The following SLC24A3 variants were observed in gnomAD, a reference collection of about 807,000 sequenced individuals.
The protein encoded by SLC24A3 is solute carrier family 24 member 3.
SLC24A3 carries 28 observed loss-of-function variants against 75.8 expected under a neutral mutation model. That is an observed-to-expected ratio of 0.37 (90% CI 0.27 to 0.51). SLC24A3 has a LOEUF of 0.51. Among genes scored for constraint, SLC24A3 ranks in the 20% least tolerant of loss-of-function variants. The probability of loss-of-function intolerance (pLI) is 0.94; values close to 1 mark genes in which losing one functional copy is unlikely to be tolerated. For synonymous variants in SLC24A3, 372 were observed against 334.1 expected (o/e 1.11, Z -1.24); for missense variants, 663 against 847.8 (o/e 0.78, Z 2.71).
rs542084554 is a variant in SLC24A3 at position 19,597,637 on chromosome 20, C to T, written c.612+12093C>T. Among the ~76,000 whole-genome samples the T allele has an allele frequency of 2.6e-5, 4 of 152,082 alleles. No individual in the cohort carries two copies. The East Asian group carries it at 5.8e-4, about 22-fold the overall frequency. On this transcript the variant is annotated intron_variant, in intron 6 of 16. Transcript: ENST00000328041. ...ACTACATTGTTGTTCATTGTGGTCA[C>T]CCTACTCTGCCATCAAATATTATAA...
chr20:19,222,590 A>G (rs1981746117), intron 1 of SLC24A3, among the ~76,000 whole-genome samples: 1 of 152,178 alleles, frequency 6.6e-6, no homozygotes, highest in South Asian at 2.1e-4. Context: ...GAATCTGGGA[A>G]TGGGGAAGGT....
intron 9 of SLC24A3, among the ~76,000 whole-genome samples, chr20:19,677,212 C>A (rs1424913701): frequency 6.6e-6 from 1 of 150,718 alleles, no homozygotes; most frequent in Non-Finnish European, 1.5e-5. Context: ...GTGATCCCAG[C>A]TATTCAGAAA....
intron 2 of SLC24A3, among the ~76,000 whole-genome samples, chr20:19,444,701 T>G (rs1313343726): frequency 2.6e-5 from 4 of 152,162 alleles, no homozygotes; most frequent in African/African-American, 9.6e-5. Flanking sequence ...GTAATTTGTG[T>G]CTTCTTTTAT....
At chr20:19,484,653 C>G (rs1988103736) in intron 2 of SLC24A3, among the ~76,000 whole-genome samples, 1 of 147,602 alleles carries the variant, frequency 6.8e-6, no homozygotes, top group African/African-American at 2.5e-5. Flanking sequence ...TGCATAGAGA[C>G]AGAAAGTAGA....
At chr20:19,645,185 T>G (rs1009515743) in intron 6 of SLC24A3, among the ~76,000 whole-genome samples, 2 of 152,212 alleles carry the variant, frequency 1.3e-5, no homozygotes, top group Non-Finnish European at 2.9e-5. Context: ...GATGACTAGA[T>G]TTCAATAAAT....
intron 2 of SLC24A3, among the ~76,000 whole-genome samples, chr20:19,300,514 G>A (rs56882512): frequency 0.015 from 2,222 of 152,292 alleles, 54 homozygotes; most frequent in African/African-American, 0.051. Context: ...ACCAGGAGAC[G>A]TAATGACAAG....
intron 12 of SLC24A3, among the ~76,000 whole-genome samples, chr20:19,687,681 G>A (rs971892006): frequency 3.3e-5 from 5 of 152,236 alleles, no homozygotes; most frequent in Non-Finnish European, 5.9e-5. Flanking sequence ...GACAATGAAA[G>A]ATGTGTGTGT....
At chr20:19,359,252 A>G (rs1985743770) in intron 2 of SLC24A3, among the ~76,000 whole-genome samples, 1 of 152,196 alleles carries the variant, frequency 6.6e-6, no homozygotes, top group Non-Finnish European at 1.5e-5. Context: ...TGTGTCCCCA[A>G]TTAAAAAAAA....
chr20:19,520,253 G>A (rs140395517), intron 3 of SLC24A3, among the ~76,000 whole-genome samples: 16 of 152,262 alleles, frequency 1.1e-4, no homozygotes, highest in East Asian at 3.9e-4. Flanking sequence ...TTCAATGTGC[G>A]TCTTCATTTT....
At chr20:19,325,793 T>TAGAGAG (rs1224595512) in intron 2 of SLC24A3, among the ~76,000 whole-genome samples, 30 of 82,800 alleles carry the variant, frequency 3.6e-4, no homozygotes, top group Non-Finnish European at 6.0e-4. Flanking sequence ...TATATATATA[T>TAGAGAG]ATAGAGAGAG....
intron 2 of SLC24A3, among the ~76,000 whole-genome samples, chr20:19,392,891 T>C (rs188777865): frequency 2.0e-4 from 30 of 152,314 alleles, no homozygotes; most frequent in African/African-American, 6.7e-4. Context: ...AGCCTTTCCC[T>C]TCTTGCAAGG....
chr20:19,555,810 G>A (rs148235599), intron 3 of SLC24A3, among the ~76,000 whole-genome samples: 36 of 152,190 alleles, frequency 2.4e-4, no homozygotes, highest in African/African-American at 8.7e-4. Context: ...CCACACCAAG[G>A]GTTTCAAAAA....
chr20:19,280,892 A>C (rs1030402449), intron 1 of SLC24A3, 67 bp from the exon 2 acceptor site: 1 of 1,557,760 alleles, frequency 6.4e-7, no homozygotes, highest in Non-Finnish European at 8.7e-7. Flanking sequence ...GGCAGCGGGC[A>C]TGCAGCGTCG....
rs1169410729 is a variant in SLC24A3 at position 19,420,814 on chromosome 20, CA to C, written c.272-94670del. ...AACTATACTACAAGGCTACAGTAAC[CA>C]AAACAGCATGGTACTGGTACCAAAA... On this transcript the variant is annotated intron_variant, in intron 2 of 16. Coordinates refer to ENST00000328041, the MANE Select transcript of SLC24A3 (RefSeq NM_020689.4). 8.5e-5 allele frequency among the ~76,000 whole-genome samples: 5 copies of C among 58,834 alleles called. No homozygotes were observed. The South Asian group carries it at 3.5e-3, about 41-fold the overall frequency. The allele number at this position is 58,834 out of a possible 152,430, so 38.6% of individuals were successfully genotyped here.
chr20:19,540,365 G>T (rs1271353215), intron 3 of SLC24A3, among the ~76,000 whole-genome samples: 1 of 152,214 alleles, frequency 6.6e-6, no homozygotes, highest in Non-Finnish European at 1.5e-5. Flanking sequence ...CCTCGAGAGA[G>T]ACCTGCTCTC....
intron 1 of SLC24A3, chr20:19,213,482 C>T (rs978645922): frequency 3.3e-5 from 5 of 152,508 alleles, no homozygotes; most frequent in African/African-American, 1.2e-4. Flanking sequence ...TCTTCAACCC[C>T]CTTTCAGAAC....
At chr20:19,552,713 C>G (rs901848402) in intron 3 of SLC24A3, among the ~76,000 whole-genome samples, 1 of 152,160 alleles carries the variant, frequency 6.6e-6, no homozygotes, top group Non-Finnish European at 1.5e-5. Context: ...TTCTTTCTGA[C>G]CCCTCTTTAA....
chr20:19,497,196 C>G (rs968095795), intron 2 of SLC24A3, among the ~76,000 whole-genome samples: 1 of 152,194 alleles, frequency 6.6e-6, no homozygotes, highest in Non-Finnish European at 1.5e-5. Context: ...GAGTCAGCTC[C>G]CAGCTCATTC....
chr20:19,274,644 C>T (rs1170597476), intron 1 of SLC24A3, among the ~76,000 whole-genome samples: 3 of 152,158 alleles, frequency 2.0e-5, no homozygotes, highest in Non-Finnish European at 2.9e-5. Context: ...AAAAATCTAC[C>T]TGTACGAAGC....
Sources: allele counts gnomAD v4.1 joint callset (sites outside exome capture counted in the v4.1 genomes callset), GRCh38; gene constraint gnomAD v4.1.1; transcripts MANE v1.5; gene names NCBI Gene and HGNC (gene_info 2026-07-23, HGNC 2026-07-21).